Variants in SCLT1 observed in about 807,000 individuals in gnomAD.
SCLT1 encodes the protein sodium channel and clathrin linker 1.
In SCLT1, 78 loss-of-function variants were observed where a neutral mutation model predicts 112.8. The ratio of observed to expected loss-of-function variants is 0.69; its 90% CI spans 0.58 to 0.83. The LOEUF (loss-of-function observed/expected upper bound fraction) is 0.83, where lower values mean the gene tolerates loss of function less well. Ranked by LOEUF, SCLT1 falls within the 40% of genes least tolerant of loss-of-function variation. The probability of loss-of-function intolerance (pLI) is 0.00; values close to 1 mark genes in which losing one functional copy is unlikely to be tolerated. For missense variants in SCLT1, 747 were observed against 770.4 expected, an observed-to-expected ratio of 0.97 and a Z score of 0.36; for synonymous variants, 257 against 254.7, an observed-to-expected ratio of 1.01 and a Z score of -0.09.
intron 9 of SCLT1, among the ~76,000 whole-genome samples, chr4:128,985,577 TTG>T (rs1560928974): frequency 1.3e-5 from 2 of 152,246 alleles, no homozygotes; most frequent in African/African-American, 2.4e-5. Flanking sequence ...CACTAATCTG[TTG>T]TGTTACAATA....
At chr4:128,938,251 A>G (rs1429398090) in intron 17 of SCLT1, among the ~76,000 whole-genome samples, 1 of 152,240 alleles carries the variant, frequency 6.6e-6, no homozygotes, top group African/African-American at 2.4e-5. Flanking sequence ...CAATGAGATC[A>G]ACTTTAGTGT....
chr4:128,937,582 T>C (rs1737321168), intron 17 of SCLT1, among the ~76,000 whole-genome samples: 1 of 152,228 alleles, frequency 6.6e-6, no homozygotes, highest in South Asian at 2.1e-4. Flanking sequence ...TTTGAAACTC[T>C]TTCAAAGGGC....
intron 2 of SCLT1, among the ~76,000 whole-genome samples, chr4:129,065,530 C>G (rs1214700578): frequency 6.6e-6 from 1 of 152,016 alleles, no homozygotes; most frequent in Non-Finnish European, 1.5e-5. Context: ...AAGCCTGTTG[C>G]TGTAGCACAA....
chr4:128,959,060 C>T (rs1406328242), intron 12 of SCLT1, among the ~76,000 whole-genome samples: 2 of 152,142 alleles, frequency 1.3e-5, no homozygotes, highest in African/African-American at 2.4e-5. Flanking sequence ...CTTCAATAAA[C>T]TTAAATGTAT....
At chr4:128,908,426 T>A (rs889960172) in intron 18 of SCLT1, among the ~76,000 whole-genome samples, 1 of 150,546 alleles carries the variant, frequency 6.6e-6, no homozygotes. Context: ...CAGCCAAACA[T>A]TACAGATATA....
rs182699904 is a variant in SCLT1 at position 129,079,924 on chromosome 4, C to T, written c.102+2382G>A. On this transcript the variant is annotated intron_variant, in intron 2 of 20. Coordinates refer to ENST00000281142, the MANE Select transcript of SCLT1 (RefSeq NM_144643.4). ...CCTCTGTGCACCCACAGGCTTAATA[C>T]CATGTGGAAGCTGCCAAGATTTATG... 2.6e-5 allele frequency among the ~76,000 whole-genome samples: 4 copies of T among 152,372 alleles called. No homozygotes were observed. In the East Asian group the frequency reaches 5.8e-4, roughly 22 times the overall value.
intron 18 of SCLT1, among the ~76,000 whole-genome samples, chr4:128,935,912 A>G (rs186021544): frequency 4.6e-5 from 7 of 152,218 alleles, no homozygotes; most frequent in African/African-American, 1.4e-4. Flanking sequence ...CTCCCTGAAT[A>G]TCAACTTACA....
intron 18 of SCLT1, among the ~76,000 whole-genome samples, chr4:128,915,685 A>G (rs1735420908): frequency 2.0e-5 from 3 of 152,224 alleles, no homozygotes; most frequent in Non-Finnish European, 4.4e-5. Flanking sequence ...GGCCTAGAAA[A>G]GAAACAATAA....
chr4:129,006,333 T>A (rs1399014839), intron 5 of SCLT1, among the ~76,000 whole-genome samples: 1 of 151,686 alleles, frequency 6.6e-6, no homozygotes, highest in African/African-American at 2.4e-5. Context: ...AGGTCAGGAG[T>A]TCGAGACCAG....
chr4:128,906,493 C>G (rs564875047), intron 18 of SCLT1, among the ~76,000 whole-genome samples: 1 of 152,018 alleles, frequency 6.6e-6, no homozygotes, highest in Admixed American at 6.6e-5. Context: ...TCACTGCACC[C>G]GGCCGATTAT....
chr4:128,955,185 G>A (rs1739119801), intron 13 of SCLT1, among the ~76,000 whole-genome samples: 1 of 152,170 alleles, frequency 6.6e-6, no homozygotes, highest in Admixed American at 6.5e-5. Flanking sequence ...TTTGTCATGT[G>A]AGGAAACACA....
intron 10 of SCLT1, among the ~76,000 whole-genome samples, chr4:128,969,565 C>G (rs1274341018): frequency 6.6e-6 from 1 of 151,320 alleles, no homozygotes; most frequent in Non-Finnish European, 1.5e-5. Flanking sequence ...CAGCGAGACT[C>G]TGACTCAAAA....
chr4:129,014,811 C>T (rs1744847125), intron 5 of SCLT1, among the ~76,000 whole-genome samples: 1 of 152,224 alleles, frequency 6.6e-6, no homozygotes, highest in Admixed American at 6.5e-5. Context: ...GCAGTAGCAG[C>T]AGCTGTGGCA....
rs780628070 is a variant in SCLT1 at position 129,044,008 on chromosome 4, A to C, written c.146T>G (p.Leu49Arg). The part of the protein sequence containing the change: ...QGEGDDTFEN[L>R]VFDQSFLAPL... Reference sequence around the variant, plus strand: ...AATACTTTACCTTTGGTCAAATACTAGGTTTTCAAATGTGTCGTCTCCTTC... The same window carrying C: ...AATACTTTACCTTTGGTCAAATACTCGGTTTTCAAATGTGTCGTCTCCTTC... Residue 49 changes from leucine to arginine, a missense_variant, in exon 3 of 21, where the codon CTA (leucine) becomes CGA (arginine). By Grantham distance (102) the Leu-to-Arg change is moderately radical (BLOSUM62 -2). This residue lies in a region of SCLT1 where 723 missense variants were observed against 721.3 expected (regional missense o/e 1.00). Coordinates refer to ENST00000281142, the MANE Select transcript of SCLT1 (RefSeq NM_144643.4). The C allele has an allele frequency of 6.5e-7, 1 of 1,535,938 alleles. No homozygotes were observed. Among genetic ancestry groups the C allele is most frequent in the Admixed American group, 1.8e-5 (1 of 56,718 alleles).
chr4:129,061,479 G>A (rs1402615886), intron 2 of SCLT1, among the ~76,000 whole-genome samples: 3 of 152,102 alleles, frequency 2.0e-5, no homozygotes, highest in Admixed American at 6.6e-5. Flanking sequence ...CCCAGAAGGT[G>A]ATAGCATACT....
chr4:129,086,801 A>ATAGAGGTC (rs139984415), intron 1 of SCLT1, among the ~76,000 whole-genome samples: 2,184 of 152,304 alleles, frequency 0.014, 46 homozygotes, highest in African/African-American at 0.044. Context: ...GGCTCAAAGG[A>ATAGAGGTC]TGAGGAGGTC....
chr4:129,022,669 AC>A (rs1728780081), intron 5 of SCLT1, among the ~76,000 whole-genome samples: 1 of 152,224 alleles, frequency 6.6e-6, no homozygotes, highest in South Asian at 2.1e-4. Context: ...CCTACGACTG[AC>A]TGGGGAACCT....
At chr4:128,993,720 A>C (rs551982582) in intron 8 of SCLT1, among the ~76,000 whole-genome samples, 6 of 152,024 alleles carry the variant, frequency 3.9e-5, no homozygotes, top group Non-Finnish European at 8.8e-5. Context: ...TGATTATTTC[A>C]TATGTCAGCC....
chr4:128,905,548 C>T (rs1579336462), intron 18 of SCLT1, among the ~76,000 whole-genome samples: 1 of 151,908 alleles, frequency 6.6e-6, no homozygotes, highest in Non-Finnish European at 1.5e-5. Context: ...TAAAATAGTA[C>T]TACTTAAACA....
Sources: gnomAD v4.1 joint callset for allele counts (sites outside exome capture counted in the v4.1 genomes callset) on GRCh38, gnomAD v4.1.1 for gene constraint, gnomAD v4.1.1 regional missense constraint, MANE v1.5 for transcripts, NCBI Gene and HGNC (gene_info 2026-07-23, HGNC 2026-07-21) for gene names.